Variants in WWOX observed in about 807,000 individuals in gnomAD.
WWOX encodes the protein WW domain containing oxidoreductase, also known as WW domain-containing oxidoreductase.
A neutral mutation model predicts 46.2 loss-of-function variants in WWOX; 69 were observed. The observed-to-expected ratio is 1.49, with a 90% confidence interval of 1.23 to 1.82. The LOEUF is 1.82. Ranked by LOEUF, WWOX falls within the 40% of genes most tolerant of loss-of-function variation. The pLI, the probability that WWOX is intolerant of heterozygous loss-of-function variation, is 0.00. For missense variants in WWOX, 919 were observed against 542.6 expected (o/e 1.69, Z -6.89); for synonymous variants, 359 against 202.6 (o/e 1.77, Z -6.56).
chr16:78,951,587 C>T (rs8062986), intron 8 of WWOX, among the ~76,000 whole-genome samples: 4,090 of 152,306 alleles, frequency 0.027, 196 homozygotes, highest in African/African-American at 0.093. Flanking sequence ...GGCTTCATCA[C>T]AGCAGCTATA....
chr16:79,040,997 C>T (rs1421245468), intron 8 of WWOX, among the ~76,000 whole-genome samples: 2 of 151,894 alleles, frequency 1.3e-5, no homozygotes, highest in Non-Finnish European at 2.9e-5. Context: ...TAGTTACTAG[C>T]AGACAAGTGC....
chr16:79,010,458 G>A (rs1047028867), intron 8 of WWOX, among the ~76,000 whole-genome samples: 2 of 152,150 alleles, frequency 1.3e-5, no homozygotes, highest in African/African-American at 2.4e-5. Flanking sequence ...GGGCATCCCT[G>A]ACCAATCCAC....
intron 8 of WWOX, among the ~76,000 whole-genome samples, chr16:78,516,364 A>G (rs1419740739): frequency 6.6e-6 from 1 of 152,174 alleles, no homozygotes; most frequent in African/African-American, 2.4e-5. Flanking sequence ...CAACAGTTAA[A>G]GAGAGAACCC....
intron 8 of WWOX, among the ~76,000 whole-genome samples, chr16:78,828,089 T>G (rs918470604): frequency 6.6e-6 from 1 of 152,130 alleles, no homozygotes; most frequent in Non-Finnish European, 1.5e-5. Context: ...CTCCTCAGGC[T>G]GTGAGGCCTT....
chr16:78,628,559 C>G (rs923321273), intron 8 of WWOX, among the ~76,000 whole-genome samples: 3 of 152,072 alleles, frequency 2.0e-5, no homozygotes, highest in Admixed American at 1.3e-4. Flanking sequence ...GTATGCCTCC[C>G]CATGCAAGGA....
intron 1 of WWOX, among the ~76,000 whole-genome samples, chr16:78,102,509 C>A (rs958437165): frequency 3.9e-5 from 6 of 152,188 alleles, no homozygotes; most frequent in Non-Finnish European, 7.3e-5. Flanking sequence ...CAGCAGAGCT[C>A]CAGTAGCCTT....
At chr16:79,048,947 C>G (rs1229032268) in intron 8 of WWOX, among the ~76,000 whole-genome samples, 2 of 152,172 alleles carry the variant, frequency 1.3e-5, no homozygotes, top group South Asian at 4.1e-4. Context: ...GAGTTAAACA[C>G]AGGTGTCCAC....
intron 8 of WWOX, among the ~76,000 whole-genome samples, chr16:78,452,150 C>T (rs554153358): frequency 6.6e-6 from 1 of 152,300 alleles, no homozygotes; most frequent in Admixed American, 6.5e-5. Flanking sequence ...CCCACAGAAT[C>T]TCTTAATACC....
intron 5 of WWOX, among the ~76,000 whole-genome samples, chr16:78,289,522 A>G (rs1423364958): frequency 1.3e-5 from 2 of 152,164 alleles, no homozygotes; most frequent in Non-Finnish European, 2.9e-5. Flanking sequence ...TGTAACTTGG[A>G]TCCAGCCAGG....
At chr16:78,825,700 T>A (rs917570251) in intron 8 of WWOX, 3 of 547,358 alleles carry the variant, frequency 5.5e-6, no homozygotes, top group Non-Finnish European at 1.1e-5. Flanking sequence ...TCTGGGAGAC[T>A]CTGAGGACAG....
chr16:78,539,401 A>G (rs539697183), intron 8 of WWOX, among the ~76,000 whole-genome samples: 3 of 152,316 alleles, frequency 2.0e-5, no homozygotes, highest in Non-Finnish European at 4.4e-5. Context: ...GCCTTAGAAA[A>G]CATACAGCAT....
At chr16:78,659,244 A>G (rs2142166161) in intron 8 of WWOX, among the ~76,000 whole-genome samples, 1 of 152,302 alleles carries the variant, frequency 6.6e-6, no homozygotes, top group Middle Eastern at 3.4e-3. Flanking sequence ...AGATTCAATA[A>G]CTACGTGACT....
chr16:78,916,359 CAGCTGTAAAG>C (rs2151263097), intron 8 of WWOX, among the ~76,000 whole-genome samples: 1 of 152,288 alleles, frequency 6.6e-6, no homozygotes, highest in Non-Finnish European at 1.5e-5. Context: ...GCTCGTTCGA[CAGCTGTAAAG>C]CTATGATTAA....
intron 8 of WWOX, among the ~76,000 whole-genome samples, chr16:78,649,801 C>G (rs1054676269): frequency 1.3e-5 from 2 of 152,196 alleles, no homozygotes; most frequent in African/African-American, 2.4e-5. Context: ...CTTAAATACT[C>G]AAAGCCTTGA....
At chr16:78,582,189 G>A (rs141179455) in intron 8 of WWOX, among the ~76,000 whole-genome samples, 29 of 152,214 alleles carry the variant, frequency 1.9e-4, no homozygotes, top group African/African-American at 6.0e-4. Flanking sequence ...TTGGATTTAC[G>A]GCCAGAAGAA....
intron 8 of WWOX, among the ~76,000 whole-genome samples, chr16:79,172,326 C>G (rs567622492): frequency 1.3e-5 from 2 of 152,298 alleles, no homozygotes; most frequent in South Asian, 4.1e-4. Context: ...GTGCAGGAAG[C>G]GCGGACTTCA....
chr16:78,156,794 C>A (rs1306195722), intron 4 of WWOX, among the ~76,000 whole-genome samples: 2 of 152,200 alleles, frequency 1.3e-5, no homozygotes, highest in East Asian at 3.9e-4. Flanking sequence ...TGTGGTGGCA[C>A]GCGCCTGTAA....
intron 8 of WWOX, among the ~76,000 whole-genome samples, chr16:78,480,044 G>T (rs181518717): frequency 6.6e-6 from 1 of 152,300 alleles, no homozygotes. Flanking sequence ...AAGGCAACTA[G>T]GTGGATTACA....
chr16:78,302,187 C>T (rs940481197), intron 5 of WWOX, among the ~76,000 whole-genome samples: 4 of 152,132 alleles, frequency 2.6e-5, no homozygotes, highest in African/African-American at 9.7e-5. Flanking sequence ...TCTCGAACTC[C>T]TGACCTCAGG....
Sources: allele counts gnomAD v4.1 joint callset (sites outside exome capture counted in the v4.1 genomes callset), GRCh38; gene constraint gnomAD v4.1.1; transcripts MANE v1.5; gene names NCBI Gene and HGNC (gene_info 2026-07-23, HGNC 2026-07-21).